The following COL11A1 variants were observed in gnomAD, a reference collection of about 807,000 sequenced individuals.
COL11A1 encodes the protein collagen alpha-1(XI) chain.
In COL11A1, 74 loss-of-function variants were observed where a neutral mutation model predicts 265.2. The ratio of observed to expected loss-of-function variants is 0.28; its 90% CI spans 0.23 to 0.34. The LOEUF (loss-of-function observed/expected upper bound fraction) is 0.34. Among genes scored for constraint, COL11A1 ranks in the 10% least tolerant of loss-of-function variants. The probability of loss-of-function intolerance (pLI) is 1.00; values close to 1 mark genes in which losing one functional copy is unlikely to be tolerated. For synonymous variants in COL11A1, 816 were observed against 727.6 expected (o/e 1.12, Z -1.96); for missense variants, 2,165 against 2,263.6 (o/e 0.96, Z 0.88).
chr1:103,061,994 AAG>A (rs1338889700), intron 4 of COL11A1, among the ~76,000 whole-genome samples: 1 of 151,944 alleles, frequency 6.6e-6, no homozygotes, highest in African/African-American at 2.4e-5. Flanking sequence ...TGGCAGGAAA[AAG>A]AGGAGATATC....
chr1:102,977,572 C>T (rs1468258063), intron 35 of COL11A1, among the ~76,000 whole-genome samples: 2 of 152,086 alleles, frequency 1.3e-5, no homozygotes, highest in African/African-American at 4.8e-5. Context: ...ATGAGAGAAT[C>T]AGTGGTGCTC....
intron 46 of COL11A1, among the ~76,000 whole-genome samples, chr1:102,933,312 A>G (rs1397708776): frequency 8.0e-6 from 1 of 125,614 alleles, no homozygotes. Context: ...CTTCTAACAG[A>G]CAGGACCCTC....
At chr1:103,088,289 C>G (rs1050973462) in intron 1 of COL11A1, among the ~76,000 whole-genome samples, 7 of 152,164 alleles carry the variant, frequency 4.6e-5, no homozygotes, top group African/African-American at 1.7e-4. Context: ...CTTAATTACT[C>G]TGGGCCTCCG....
chr1:103,086,617 A>C (rs367598268), intron 1 of COL11A1, among the ~76,000 whole-genome samples: 66 of 151,856 alleles, frequency 4.3e-4, no homozygotes, highest in African/African-American at 1.2e-3. Flanking sequence ...GGGGTTTCAC[A>C]GTGTTAGCCA....
chr1:103,050,505 A>ATT (rs929281946), intron 4 of COL11A1, among the ~76,000 whole-genome samples: 1 of 151,572 alleles, frequency 6.6e-6, no homozygotes, highest in Non-Finnish European at 1.5e-5. Flanking sequence ...CATTCGTCTA[A>ATT]TTTTTTTTCA....
intron 4 of COL11A1, among the ~76,000 whole-genome samples, chr1:103,070,324 A>G (rs1671481964): frequency 6.6e-6 from 1 of 151,300 alleles, no homozygotes; most frequent in Admixed American, 6.6e-5. Context: ...AAGACAACAT[A>G]CTACATCACC....
chr1:102,910,320 G>A (rs1654499414), intron 54 of COL11A1, among the ~76,000 whole-genome samples: 1 of 152,004 alleles, frequency 6.6e-6, no homozygotes, highest in Middle Eastern at 3.4e-3. Context: ...ACCATGTTAA[G>A]ATACTTCATC....
intron 52 of COL11A1, among the ~76,000 whole-genome samples, chr1:102,914,080 C>G (rs940274121): frequency 6.6e-6 from 1 of 152,138 alleles, no homozygotes; most frequent in African/African-American, 2.4e-5. Flanking sequence ...AATGATGCTA[C>G]TCAGATAACT....
intron 65 of COL11A1, 148 bp downstream of exon 65, chr1:102,881,549 A>C: frequency 1.5e-6 from 1 of 682,284 alleles, no homozygotes; most frequent in Non-Finnish European, 2.6e-6. Context: ...CAGTGGTCTA[A>C]GAGATATTAA....
chr1:103,006,822 C>T (rs1262075758), intron 15 of COL11A1, among the ~76,000 whole-genome samples: 2 of 151,754 alleles, frequency 1.3e-5, no homozygotes, highest in Non-Finnish European at 2.9e-5. Flanking sequence ...GCCACCGCGC[C>T]CGGCCCTTAT....
At chr1:103,068,453 A>T (rs763776853) in intron 4 of COL11A1, among the ~76,000 whole-genome samples, 76 of 151,710 alleles carry the variant, frequency 5.0e-4, no homozygotes, top group Non-Finnish European at 1.0e-3. Context: ...TTTCAAACTG[A>T]TAAACAGAAT....
At chr1:103,009,566 T>G (rs2929161) in intron 14 of COL11A1, among the ~76,000 whole-genome samples, 1 of 152,168 alleles carries the variant, frequency 6.6e-6, no homozygotes. Context: ...CCCCAAAAAC[T>G]TTCAGAACAT....
chr1:103,026,704 A>G (rs1414473117), intron 5 of COL11A1, among the ~76,000 whole-genome samples: 2 of 152,122 alleles, frequency 1.3e-5, no homozygotes, highest in African/African-American at 2.4e-5. Context: ...ATGTTTCTCT[A>G]TAAGAGCGCT....
In COL11A1 at chr1:102,886,822, G is replaced by T; in HGVS notation, c.4843C>A (p.Pro1615Thr). 1.2e-6 allele frequency: 2 copies of T among 1,613,894 alleles called. No individual in the cohort carries two copies. The highest frequency in any genetic ancestry group is 1.7e-6 in the Non-Finnish European group (2 of 1,179,816). The stretch of plus-strand genomic sequence containing the variant: ...ATTTACATACCATCTGGGAAGTCAG[G>T]ATGGCTGAGTTGCAGGTCTTTACAA... ...RTCKDLQLSH[P>T]DFPDGEYWID... is the part of the protein sequence containing the mutation. The change falls in exon 63 of 67, where the codon CCT becomes ACT. Residue 1615 changes from proline to threonine, a missense_variant. Transcript: ENST00000370096.
chr1:102,930,575 C>T (rs147913816), intron 46 of COL11A1, among the ~76,000 whole-genome samples: 2 of 151,954 alleles, frequency 1.3e-5, no homozygotes, highest in African/African-American at 4.8e-5. Flanking sequence ...TGTCTCTGCC[C>T]GGCTTTAGTA....
chr1:102,948,078 A>C (rs1379467744), intron 41 of COL11A1, among the ~76,000 whole-genome samples: 1 of 151,988 alleles, frequency 6.6e-6, no homozygotes, highest in Non-Finnish European at 1.5e-5. Context: ...TTAATGATAT[A>C]TTAGAAATCA....
intron 47 of COL11A1, 121 bp downstream of exon 47, chr1:102,923,215 A>G (rs1030920416): frequency 2.6e-6 from 2 of 779,008 alleles, no homozygotes; most frequent in Non-Finnish European, 4.2e-6. Flanking sequence ...AAATCATGTC[A>G]GTTGCTTATA....
At chr1:102,995,837 A>T in intron 28 of COL11A1, 27 bp downstream of exon 28, 1 of 1,559,226 alleles carries the variant, frequency 6.4e-7, no homozygotes. Context: ...CACAGAAATT[A>T]ATACCATCTA....
chr1:103,066,559 A>AAG (rs1241851004), intron 4 of COL11A1, among the ~76,000 whole-genome samples: 1 of 150,862 alleles, frequency 6.6e-6, no homozygotes, highest in African/African-American at 2.4e-5. Context: ...CAGCACCAAA[A>AAG]AAAAAAAAAA....
Sources: allele counts gnomAD v4.1 joint callset (sites outside exome capture counted in the v4.1 genomes callset), GRCh38; gene constraint gnomAD v4.1.1; transcripts MANE v1.5; gene names NCBI Gene and HGNC (gene_info 2026-07-23, HGNC 2026-07-21).